ASTN2: variants seen among roughly 807,000 people sequenced by gnomAD.
ASTN2 encodes astrotactin 2, also known as astrotactin-2.
A neutral mutation model predicts 139.8 loss-of-function variants in ASTN2; 54 were observed. That is an observed-to-expected ratio of 0.39 (90% CI 0.31 to 0.48). The LOEUF is 0.48. Among genes scored for constraint, ASTN2 ranks in the 20% least tolerant of loss-of-function variants. The probability of loss-of-function intolerance (pLI) is 0.95; values close to 1 mark genes in which losing one functional copy is unlikely to be tolerated. For synonymous variants in ASTN2, 756 were observed against 719.5 expected (o/e 1.05, Z -0.81); for missense variants, 1,565 against 1,725.1 (o/e 0.91, Z 1.64).
intron 19 of ASTN2, among the ~76,000 whole-genome samples, chr9:116,565,675 G>C (rs576811041): frequency 1.3e-5 from 2 of 151,568 alleles, no homozygotes; most frequent in African/African-American, 4.9e-5. Context: ...CAGAGACAGG[G>C]TCTCGCCATG....
intron 10 of ASTN2, among the ~76,000 whole-genome samples, chr9:116,877,308 G>C (rs150580966): frequency 7.6e-6 from 1 of 132,010 alleles, no homozygotes; most frequent in Non-Finnish European, 1.8e-5. Flanking sequence ...TTCTATCTAA[G>C]TGTGGGTTTT....
At chr9:116,661,902 T>A (rs934607276) in intron 16 of ASTN2, among the ~76,000 whole-genome samples, 1 of 151,492 alleles carries the variant, frequency 6.6e-6, no homozygotes, top group Admixed American at 6.6e-5. Flanking sequence ...TTAGGAAATA[T>A]ACCTAATGTA....
At chr9:116,878,192 C>A (rs181401467) in intron 10 of ASTN2, among the ~76,000 whole-genome samples, 10 of 152,216 alleles carry the variant, frequency 6.6e-5, no homozygotes, top group Admixed American at 6.5e-4. Flanking sequence ...CATTTGACCC[C>A]CTGTTACTGG....
chr9:116,718,185 G>C (rs1026326549), intron 16 of ASTN2, among the ~76,000 whole-genome samples: 3 of 152,200 alleles, frequency 2.0e-5, no homozygotes, highest in Admixed American at 6.5e-5. Context: ...TGACATTTGA[G>C]TTGGGTGATA....
chr9:116,880,510 A>G (rs1409060029), intron 10 of ASTN2, among the ~76,000 whole-genome samples: 2 of 152,302 alleles, frequency 1.3e-5, no homozygotes, highest in African/African-American at 4.8e-5. Flanking sequence ...AAATAAATAA[A>G]TAAGTAAATA....
intron 3 of ASTN2, among the ~76,000 whole-genome samples, chr9:117,212,383 G>C (rs1451466284): frequency 1.3e-5 from 2 of 150,872 alleles, no homozygotes; most frequent in Non-Finnish European, 3.0e-5. Context: ...AAAAGCACAG[G>C]CAAAGAAAAA....
intron 1 of ASTN2, among the ~76,000 whole-genome samples, chr9:117,313,242 A>T (rs1828033257): frequency 6.6e-6 from 1 of 152,198 alleles, no homozygotes; most frequent in African/African-American, 2.4e-5. Flanking sequence ...CTTCTGACAG[A>T]TTCTCAGGAA....
chr9:117,024,539 G>A (rs901291384), intron 6 of ASTN2, among the ~76,000 whole-genome samples: 3 of 152,052 alleles, frequency 2.0e-5, no homozygotes, highest in African/African-American at 7.2e-5. Context: ...GTCCCTGCCC[G>A]AAAGTAGTGT....
chr9:116,728,282 A>T (rs1036801792), intron 15 of ASTN2, among the ~76,000 whole-genome samples: 1 of 152,152 alleles, frequency 6.6e-6, no homozygotes, highest in Non-Finnish European at 1.5e-5. Context: ...AGGACTTGTT[A>T]ATGTCTTGAT....
chr9:117,004,101 T>G (rs960435076), intron 7 of ASTN2, among the ~76,000 whole-genome samples: 1 of 151,980 alleles, frequency 6.6e-6, no homozygotes, highest in African/African-American at 2.4e-5. Context: ...TTCACATAGC[T>G]TCTCCAGTTG....
chr9:117,270,733 T>C (rs1314357183), intron 2 of ASTN2, among the ~76,000 whole-genome samples: 1 of 152,224 alleles, frequency 6.6e-6, no homozygotes, highest in Admixed American at 6.5e-5. Flanking sequence ...TAATACCTAA[T>C]TGTTTTCAGG....
intron 7 of ASTN2, among the ~76,000 whole-genome samples, chr9:117,001,541 C>A (rs762072932): frequency 1.4e-4 from 22 of 152,134 alleles, no homozygotes; most frequent in Admixed American, 1.1e-3. Flanking sequence ...TGCCACTCTC[C>A]CAGTGCTCTG....
chr9:116,738,831 A>G (rs1829015864), intron 13 of ASTN2, among the ~76,000 whole-genome samples: 1 of 152,232 alleles, frequency 6.6e-6, no homozygotes, highest in Admixed American at 6.5e-5. Context: ...GTACATGCTC[A>G]GTGAATCGAT....
At chr9:116,448,223 C>T (rs1026043633) in intron 20 of ASTN2, among the ~76,000 whole-genome samples, 39 of 76,502 alleles carry the variant, frequency 5.1e-4, no homozygotes, top group African/African-American at 1.8e-3. Context: ...AATGCTCCTT[C>T]CCCCCACACA....
intron 1 of ASTN2, among the ~76,000 whole-genome samples, chr9:117,381,288 G>T (rs1202767596): frequency 6.6e-6 from 1 of 152,150 alleles, no homozygotes; most frequent in Non-Finnish European, 1.5e-5. Context: ...AAATGGTCTG[G>T]AAGTGGATAA....
chr9:116,520,990 C>A (rs1206165105), intron 19 of ASTN2, among the ~76,000 whole-genome samples: 1 of 151,950 alleles, frequency 6.6e-6, no homozygotes, highest in Admixed American at 6.6e-5. Context: ...CAAAACACTG[C>A]CGAAAGAAAT....
At chr9:117,221,306 T>C (rs1832509713) in intron 2 of ASTN2, among the ~76,000 whole-genome samples, 1 of 152,022 alleles carries the variant, frequency 6.6e-6, no homozygotes, top group Non-Finnish European at 1.5e-5. Flanking sequence ...CAAGAGAGCC[T>C]TCTGAAAAGT....
Position 116,694,856 on chromosome 9 carries a change from T to A in ASTN2, c.2806+30915A>T, listed in dbSNP as rs1255544112. Reference sequence around the variant, plus strand: ...AATTTACCATTCATAGTTTCAGATATCCACATCAGACCTCATACGCTCATG... The same window carrying A: ...AATTTACCATTCATAGTTTCAGATAACCACATCAGACCTCATACGCTCATG... On this transcript the variant is annotated intron_variant, in intron 16 of 22. Transcript: ENST00000313400. Among the ~76,000 whole-genome samples, 4 of 152,076 alleles carry A rather than the reference T, an allele frequency of 2.6e-5. No homozygotes were observed. The East Asian group carries it at 7.7e-4, about 29-fold the overall frequency.
At position 116,728,995 on chromosome 9, in the gene ASTN2, C is replaced by T. The variant is rs757797367; in HGVS notation, c.2623G>A (p.Ala875Thr). ...CTGCCCAGGCAGTGGTCCTCACCTG[C>T]TGCGAGGGTGATGGTGCTGAGCTTC... ...RVKLSTITLA[A>T]GFTNVLKILT... Residue 875 changes from alanine (A) to threonine (T), a missense_variant, in exon 15 of 23, where the codon GCA (alanine) becomes ACA (threonine). This residue lies in a region of ASTN2 where 503 missense variants were observed against 591.7 expected (regional missense o/e 0.85). Coordinates refer to ENST00000313400, the MANE Select transcript of ASTN2 (RefSeq NM_001365068.1). The T allele has an allele frequency of 7.0e-6, 11 of 1,581,142 alleles. No individual in the cohort carries two copies. In the Admixed American group the frequency reaches 2.0e-4, roughly 29 times the overall value.
Sources: allele counts gnomAD v4.1 joint callset (sites outside exome capture counted in the v4.1 genomes callset), GRCh38; gene constraint gnomAD v4.1.1; regional missense constraint gnomAD v4.1.1; transcripts MANE v1.5; gene names NCBI Gene and HGNC (gene_info 2026-07-23, HGNC 2026-07-21).